The following ST6GALNAC3 variants were observed in gnomAD, a reference collection of about 807,000 sequenced individuals.
ST6GALNAC3 encodes the protein alpha-N-acetylgalactosaminide alpha-2,6-sialyltransferase 3.
Under a neutral mutation model 32.7 loss-of-function variants are expected in ST6GALNAC3, and 25 were observed. That is an observed-to-expected ratio of 0.76 (90% confidence interval 0.56 to 1.07). The LOEUF is 1.07. ST6GALNAC3 is among the 50% of genes least tolerant of loss of function. ST6GALNAC3 has a pLI of 0.00. For synonymous variants in ST6GALNAC3, 129 were observed against 133.1 expected (o/e 0.97, Z 0.21); for missense variants, 355 against 382.4 (o/e 0.93, Z 0.60).
chr1:76,310,757 C>T (rs940886958), intron 1 of ST6GALNAC3, among the ~76,000 whole-genome samples: 14 of 152,226 alleles, frequency 9.2e-5, no homozygotes, highest in South Asian at 2.1e-4. Flanking sequence ...TCCTTAAGTT[C>T]GAAGAAGAAT....
At chr1:76,449,382 A>G (rs1657222550) in intron 3 of ST6GALNAC3, among the ~76,000 whole-genome samples, 1 of 152,186 alleles carries the variant, frequency 6.6e-6, no homozygotes, top group Admixed American at 6.5e-5. Flanking sequence ...GCTGCTACAA[A>G]CATTCATGTG....
chr1:76,343,736 A>G, intron 2 of ST6GALNAC3, among the ~76,000 whole-genome samples: 1 of 152,252 alleles, frequency 6.6e-6, no homozygotes, highest in Non-Finnish European at 1.5e-5. Context: ...AAGTCCTTCT[A>G]GCTTCAAAAT....
Position 76,325,717 on chromosome 1 carries a change from T to C in ST6GALNAC3, c.213+11718T>C, listed in dbSNP as rs578051935. 2.0e-5 allele frequency among the ~76,000 whole-genome samples: 3 copies of C among 150,016 alleles called. No homozygotes were observed. The South Asian group carries it at 6.4e-4, about 32-fold the overall frequency. On this transcript the variant is annotated intron_variant, in intron 2 of 4. Coordinates refer to ENST00000328299, the MANE Select transcript of ST6GALNAC3 (RefSeq NM_152996.4). ...GTGAGCTCTGACAATCTAGTACTTG[T>C]CACAAATAATTATTTTTACAATTAT...
In ST6GALNAC3 at chr1:76,462,348, C is replaced by A. The variant is rs575476125; in HGVS notation, c.623+49931C>A. On this transcript the variant is annotated intron_variant, in intron 3 of 4. Transcript: ENST00000328299. ...TTCATAAGTCCCTGGGTAAATCATT[C>A]CATTATTTTTCCCTTTACTTTGTTC... Among the ~76,000 whole-genome samples, 20 of 152,168 alleles carry A rather than the reference C, an allele frequency of 1.3e-4. No individual in the cohort carries two copies. The East Asian group carries it at 3.3e-3, about 25-fold the overall frequency.
intron 3 of ST6GALNAC3, among the ~76,000 whole-genome samples, chr1:76,544,543 A>C (rs1193847786): frequency 6.6e-6 from 1 of 152,224 alleles, no homozygotes; most frequent in African/African-American, 2.4e-5. Flanking sequence ...GAGAAGTATC[A>C]AGGATGATTC....
chr1:76,409,941 A>G (rs1334799840), intron 2 of ST6GALNAC3, among the ~76,000 whole-genome samples: 5 of 152,250 alleles, frequency 3.3e-5, no homozygotes, highest in Non-Finnish European at 7.4e-5. Flanking sequence ...TACCTTCAGA[A>G]TATTTCCAGA....
At chr1:76,609,267 T>C (rs1025872395) in intron 3 of ST6GALNAC3, among the ~76,000 whole-genome samples, 6 of 152,190 alleles carry the variant, frequency 3.9e-5, no homozygotes, top group African/African-American at 1.4e-4. Flanking sequence ...CTCACTAAAA[T>C]TTCCAGGACC....
At chr1:76,077,595 G>A (rs1162536463) in intron 1 of ST6GALNAC3, among the ~76,000 whole-genome samples, 1 of 152,212 alleles carries the variant, frequency 6.6e-6, no homozygotes, top group Non-Finnish European at 1.5e-5. Context: ...GCAGTCGATT[G>A]TGAGAAAGTG....
At chr1:76,463,875 C>A (rs1376211087) in intron 3 of ST6GALNAC3, among the ~76,000 whole-genome samples, 1 of 152,106 alleles carries the variant, frequency 6.6e-6, no homozygotes, top group Non-Finnish European at 1.5e-5. Flanking sequence ...CTAGCAGGAA[C>A]TAGAGGGAAG....
chr1:76,123,259 C>G (rs773494346), intron 1 of ST6GALNAC3, among the ~76,000 whole-genome samples: 1 of 151,824 alleles, frequency 6.6e-6, no homozygotes, highest in African/African-American at 2.4e-5. Flanking sequence ...GTAATCCCAT[C>G]TACCAGCTAC....
intron 3 of ST6GALNAC3, among the ~76,000 whole-genome samples, chr1:76,606,592 A>G (rs1478403063): frequency 2.0e-5 from 3 of 152,108 alleles, no homozygotes; most frequent in Admixed American, 6.5e-5. Flanking sequence ...GGAGAGCATC[A>G]GCAGAAATAG....
chr1:76,541,108 T>C (rs904072954), intron 3 of ST6GALNAC3, among the ~76,000 whole-genome samples: 2 of 152,168 alleles, frequency 1.3e-5, no homozygotes, highest in African/African-American at 4.8e-5. Flanking sequence ...TAGCATAGTA[T>C]ATTCTGAGCA....
chr1:76,270,917 T>C lies in ST6GALNAC3; in HGVS notation c.19-42888T>C, dbSNP rs200985096. ...AAGATAATGTATTACTCTTGAGAAA[T>C]GTAGAATTTTATTGTCAGTGTGCTT... On this transcript the variant is annotated intron_variant, in intron 1 of 4. Transcript: ENST00000328299. Among the ~76,000 whole-genome samples, 29 of 152,284 alleles carry C rather than the reference T, an allele frequency of 1.9e-4. No individual in the cohort carries two copies. The East Asian group carries it at 4.4e-3, about 23-fold the overall frequency.
chr1:76,373,066 G>C (rs1412394049), intron 2 of ST6GALNAC3, among the ~76,000 whole-genome samples: 1 of 152,132 alleles, frequency 6.6e-6, no homozygotes, highest in African/African-American at 2.4e-5. Flanking sequence ...CAAAGTGCTG[G>C]GATTATAGGC....
At chr1:76,611,143 G>A (rs141684834) in intron 3 of ST6GALNAC3, among the ~76,000 whole-genome samples, 25 of 152,062 alleles carry the variant, frequency 1.6e-4, no homozygotes, top group African/African-American at 5.8e-4. Context: ...TCTTTAGTTA[G>A]TGTTTCTGAG....
chr1:76,381,223 G>A (rs1651692935), intron 2 of ST6GALNAC3, among the ~76,000 whole-genome samples: 1 of 147,832 alleles, frequency 6.8e-6, no homozygotes, highest in Non-Finnish European at 1.5e-5. Context: ...AGAACTGTTA[G>A]TGTGATGATA....
At chr1:76,450,599 A>G (rs1486450001) in intron 3 of ST6GALNAC3, among the ~76,000 whole-genome samples, 1 of 152,008 alleles carries the variant, frequency 6.6e-6, no homozygotes. Flanking sequence ...TGTTGCATTT[A>G]CTTTGGGTTC....
rs140085102 is a variant in ST6GALNAC3 at position 76,524,915 on chromosome 1, T to G, written c.624-102537T>G. ...AATTTTGTGATATATATTTTGGTTA[T>G]CTCCTAACATTTATATTTCCCTTTA... On this transcript the variant is annotated intron_variant, in intron 3 of 4. Transcript: ENST00000328299. 3.6e-3 allele frequency among the ~76,000 whole-genome samples: 552 copies of G among 152,000 alleles called. 2 individuals are homozygous for G. The highest frequency in any genetic ancestry group is 0.013 in the African/African-American group (519 of 41,512).
chr1:76,190,713 G>A (rs183149092), intron 1 of ST6GALNAC3, among the ~76,000 whole-genome samples: 13 of 152,270 alleles, frequency 8.5e-5, no homozygotes, highest in African/African-American at 2.9e-4. Flanking sequence ...TCTCATCATT[G>A]TAAGGTAAAG....
Sources: gnomAD v4.1 joint callset for allele counts (sites outside exome capture counted in the v4.1 genomes callset) on GRCh38, gnomAD v4.1.1 for gene constraint, MANE v1.5 for transcripts, NCBI Gene and HGNC (gene_info 2026-07-23, HGNC 2026-07-21) for gene names.